TRAPPC9: variants seen among roughly 807,000 people sequenced by gnomAD.
TRAPPC9 encodes the protein IKK2 binding protein.
TRAPPC9 carries 83 observed loss-of-function variants against 124.0 expected under a neutral mutation model. That is an observed-to-expected ratio of 0.67 (90% CI 0.56 to 0.80). The LOEUF is 0.80. Among genes scored for constraint, TRAPPC9 ranks in the 30% least tolerant of loss-of-function variants. TRAPPC9 has a pLI of 0.00. For missense variants in TRAPPC9, 1,302 were observed against 1,508.3 expected, an observed-to-expected ratio of 0.86 and a Z score of 2.27; for synonymous variants, 638 against 617.5, an observed-to-expected ratio of 1.03 and a Z score of -0.49.
intron 11 of TRAPPC9, among the ~76,000 whole-genome samples, chr8:140,294,120 G>GT: frequency 6.6e-6 from 1 of 151,960 alleles, no homozygotes; most frequent in Non-Finnish European, 1.5e-5. Flanking sequence ...ACTCCAGTCT[G>GT]TCTCCAAAAC....
At chr8:139,942,136 A>C (rs769968388) in intron 19 of TRAPPC9, among the ~76,000 whole-genome samples, 1 of 152,178 alleles carries the variant, frequency 6.6e-6, no homozygotes, top group African/African-American at 2.4e-5. Context: ...GGATATGAGA[A>C]CACTTTGTGG....
intron 2 of TRAPPC9, among the ~76,000 whole-genome samples, chr8:140,441,365 G>A (rs2071011395): frequency 6.6e-6 from 1 of 152,004 alleles, no homozygotes; most frequent in South Asian, 2.1e-4. Context: ...TATCCAAATG[G>A]ACATTTTCCT....
chr8:140,392,603 C>T (rs1317590557), intron 7 of TRAPPC9, among the ~76,000 whole-genome samples: 2 of 152,192 alleles, frequency 1.3e-5, no homozygotes, highest in Admixed American at 6.5e-5. Context: ...TAGCAGACGA[C>T]GGACACAGCG....
intron 18 of TRAPPC9, among the ~76,000 whole-genome samples, chr8:139,996,158 C>CAAAAAAAAAAAAAAAAAAGAAAAAAA (rs1837965711): frequency 5.1e-5 from 1 of 19,424 alleles, no homozygotes; most frequent in Non-Finnish European, 8.5e-5. Flanking sequence ...AAAACTTAAG[C>CAAAAAAAAAAAAAAAAAAGAAAAAAA]AAAAAAAAAA....
chr8:139,932,602 T>C, intron 19 of TRAPPC9: 1 of 435,524 alleles, frequency 2.3e-6, no homozygotes, highest in South Asian at 1.6e-5. Context: ...TCTCTACTAA[T>C]TTACAAAAAA....
intron 17 of TRAPPC9, among the ~76,000 whole-genome samples, chr8:140,152,008 C>T (rs972050667): frequency 2.6e-5 from 4 of 152,086 alleles, no homozygotes; most frequent in Admixed American, 6.5e-5. Context: ...ACTGGGGAGC[C>T]GGAATGGCTG....
chr8:140,121,835 A>C (rs567062745), intron 17 of TRAPPC9, among the ~76,000 whole-genome samples: 130 of 152,210 alleles, frequency 8.5e-4, no homozygotes, highest in African/African-American at 3.0e-3. Context: ...CAGGCTCTTA[A>C]AGGGGTCCCA....
intron 21 of TRAPPC9, among the ~76,000 whole-genome samples, chr8:139,855,303 C>G (rs910220329): frequency 3.3e-5 from 5 of 152,202 alleles, no homozygotes; most frequent in Admixed American, 1.3e-4. Flanking sequence ...TTCCAGACCT[C>G]CTGTTTAGAA....
At chr8:140,159,043 C>A (rs973318742) in intron 17 of TRAPPC9, among the ~76,000 whole-genome samples, 49 of 152,300 alleles carry the variant, frequency 3.2e-4, no homozygotes, top group African/African-American at 1.0e-3. Context: ...AGTCTCTGCC[C>A]TTGGCGGAAG....
At chr8:140,140,169 C>G (rs573443788) in intron 17 of TRAPPC9, among the ~76,000 whole-genome samples, 3 of 152,292 alleles carry the variant, frequency 2.0e-5, no homozygotes, top group South Asian at 4.1e-4. Context: ...CCTTACTCAT[C>G]CCATAGTCTT....
At chr8:139,819,715 A>C (rs989723156) in intron 21 of TRAPPC9, among the ~76,000 whole-genome samples, 1 of 152,130 alleles carries the variant, frequency 6.6e-6, no homozygotes, top group Non-Finnish European at 1.5e-5. Flanking sequence ...AGCTCACACC[A>C]AGAAATCTAC....
At chr8:139,801,514 C>G (rs548758229) in intron 21 of TRAPPC9, among the ~76,000 whole-genome samples, 8 of 152,344 alleles carry the variant, frequency 5.3e-5, no homozygotes, top group South Asian at 2.1e-4. Flanking sequence ...GCCCCGCCCC[C>G]CTTCCCTTGG....
rs143148183 is a variant in TRAPPC9 at position 140,337,643 on chromosome 8, C to T, written c.1495+22407G>A. On this transcript the variant is annotated intron_variant, in intron 9 of 22. Transcript: ENST00000438773. ...CCATGCAGCACGTGGGTGCGGGTAC[C>T]GGATCCACCTGCCCTGAACCTGCTG... Among the ~76,000 whole-genome samples, 614 of 152,278 alleles carry T rather than the reference C, an allele frequency of 4.0e-3. 7 individuals are homozygous for T. Among genetic ancestry groups the T allele is most frequent in the Non-Finnish European group, 6.5e-3 (442 of 68,018 alleles).
chr8:140,242,428 G>A (rs1383877563), intron 16 of TRAPPC9, among the ~76,000 whole-genome samples: 1 of 152,182 alleles, frequency 6.6e-6, no homozygotes, highest in Non-Finnish European at 1.5e-5. Flanking sequence ...CCAGCGGTGA[G>A]AGAACCATCT....
chr8:139,929,234 T>C (rs1176646439), intron 19 of TRAPPC9, among the ~76,000 whole-genome samples: 2 of 152,260 alleles, frequency 1.3e-5, no homozygotes, highest in African/African-American at 4.8e-5. Context: ...GTAGGAACCA[T>C]GACTGTCACA....
At chr8:139,858,790 G>C (rs1049702321) in intron 21 of TRAPPC9, among the ~76,000 whole-genome samples, 1 of 151,578 alleles carries the variant, frequency 6.6e-6, no homozygotes, top group Non-Finnish European at 1.5e-5. Context: ...GGCCAGAGCC[G>C]ACAAGTAGCC....
At chr8:139,971,924 C>T (rs1367853633) in intron 19 of TRAPPC9, among the ~76,000 whole-genome samples, 1 of 151,838 alleles carries the variant, frequency 6.6e-6, no homozygotes, top group African/African-American at 2.4e-5. Flanking sequence ...TGGGTTCAAG[C>T]GATTCTCCTG....
chr8:140,409,640 T>C (rs2069622792), intron 5 of TRAPPC9, among the ~76,000 whole-genome samples: 1 of 151,934 alleles, frequency 6.6e-6, no homozygotes, highest in African/African-American at 2.4e-5. Context: ...ATGAGAAAGA[T>C]CTCCATAAGC....
chr8:139,817,045 A>ACACACACAC (rs1824887532), intron 21 of TRAPPC9, among the ~76,000 whole-genome samples: 1 of 135,286 alleles, frequency 7.4e-6, no homozygotes, highest in African/African-American at 2.9e-5. Context: ...ACATAAACTA[A>ACACACACAC]ACACACACAC....
Sources: allele counts gnomAD v4.1 joint callset (sites outside exome capture counted in the v4.1 genomes callset), GRCh38; gene constraint gnomAD v4.1.1; transcripts MANE v1.5; gene names NCBI Gene and HGNC (gene_info 2026-07-23, HGNC 2026-07-21).